TSEN15: variants seen among roughly 807,000 people sequenced by gnomAD.
TSEN15 encodes tRNA-splicing endonuclease subunit Sen15.
Under a neutral mutation model 20.5 loss-of-function variants are expected in TSEN15, and 10 were observed. That is an observed-to-expected ratio of 0.49 (90% CI 0.30 to 0.83). The LOEUF is 0.83. Ranked by LOEUF, TSEN15 falls within the 40% of genes least tolerant of loss-of-function variation. TSEN15 has a pLI of 0.06. For synonymous variants in TSEN15, 72 were observed against 80.1 expected, an observed-to-expected ratio of 0.90 and a Z score of 0.54; for missense variants, 180 against 218.6, an observed-to-expected ratio of 0.82 and a Z score of 1.11.
At position 184,051,797 on chromosome 1, in the gene TSEN15, C is replaced by A; in HGVS notation, c.42C>A (p.Ser14Arg). Residue 14 changes from serine (S) to arginine (R), a missense_variant, in exon 1 of 5, where the codon AGC becomes AGA. Physicochemically the swap from Ser to Arg is moderately radical, Grantham distance 110. Coordinates refer to ENST00000645668, the MANE Select transcript of TSEN15 (RefSeq NM_052965.4). ...RGDSEPTPGC[S>R]GLGPGGVRGF... is the part of the protein sequence containing the mutation. The stretch of plus-strand genomic sequence containing the variant: ...ATTCCGAGCCGACCCCCGGCTGCAG[C>A]GGCCTGGGTCCGGGCGGTGTTCGCG... 2.6e-6 allele frequency: 4 copies of A among 1,524,866 alleles called. No individual in the cohort carries two copies. Among genetic ancestry groups the A allele is most frequent in the South Asian group, 1.2e-5 (1 of 81,528 alleles). The allele number at this position is 1,524,866 out of a possible 1,614,324, so 94.5% of individuals were successfully genotyped here.
chr1:184,051,735 G>C lies in TSEN15; in HGVS notation c.-21G>C. On this transcript the variant is annotated 5_prime_UTR_variant, in exon 1 of 5. Transcript: ENST00000645668. ...CCGGGCGCGGGTCGTGGTGCACCACGGGAGCGCCGCACCGGCCGGCATGGA... is the reference window on the plus strand; with the variant it reads ...CCGGGCGCGGGTCGTGGTGCACCACCGGAGCGCCGCACCGGCCGGCATGGA... The C allele has an allele frequency of 2.2e-6, 3 of 1,395,106 alleles. No individual in the cohort carries two copies. Among genetic ancestry groups the C allele is most frequent in the South Asian group, 1.6e-5 (1 of 63,846 alleles). 86.4% of individuals were successfully genotyped at this position (1,395,106 alleles called of 1,614,324 possible).
chr1:184,070,580 A>G (rs888744083), intron 3 of TSEN15: 2 of 1,034,090 alleles, frequency 1.9e-6, no homozygotes, highest in Non-Finnish European at 2.6e-6. Flanking sequence ...TGGACAGCCT[A>G]TAAAAATGTA....
intron 3 of TSEN15, among the ~76,000 whole-genome samples, chr1:184,085,631 T>A (rs747190818): frequency 2.0e-5 from 3 of 151,562 alleles, no homozygotes; most frequent in Non-Finnish European, 4.4e-5. Context: ...AGGGTGGGAG[T>A]CATGCAAATA....
intron 1 of TSEN15, among the ~76,000 whole-genome samples, chr1:184,052,719 C>T (rs532233462): frequency 3.9e-5 from 6 of 152,242 alleles, no homozygotes; most frequent in African/African-American, 7.2e-5. Context: ...TTTTATCTTC[C>T]TACTCTGTCC....
intron 3 of TSEN15, among the ~76,000 whole-genome samples, chr1:184,084,535 A>G (rs1651227293): frequency 2.0e-5 from 3 of 151,580 alleles, no homozygotes; most frequent in Non-Finnish European, 1.5e-5. Flanking sequence ...ATGGGGTGTG[A>G]TAGTTAAAGA....
intron 4 of TSEN15, chr1:184,072,621 G>C: frequency 1.7e-6 from 1 of 599,356 alleles, no homozygotes; most frequent in Non-Finnish European, 2.9e-6. Flanking sequence ...AATAATAGTT[G>C]TAAGTAAAAA....
intron 3 of TSEN15, chr1:184,070,772 A>G: frequency 1.5e-6 from 1 of 668,096 alleles, no homozygotes; most frequent in Non-Finnish European, 2.0e-6. Flanking sequence ...TTGCTTTATC[A>G]GAATATCTTT....
At chr1:184,067,333 A>G (rs1400475778) in intron 3 of TSEN15, among the ~76,000 whole-genome samples, 1 of 152,162 alleles carries the variant, frequency 6.6e-6, no homozygotes, top group Admixed American at 6.5e-5. Context: ...CACTTGATAT[A>G]TTAATGCTAC....
At chr1:184,087,955 G>C (rs985704387) in intron 3 of TSEN15, among the ~76,000 whole-genome samples, 9 of 152,158 alleles carry the variant, frequency 5.9e-5, no homozygotes, top group Admixed American at 1.3e-4. Context: ...ACAGTGGATG[G>C]ATAAATCTGG....
intron 3 of TSEN15, among the ~76,000 whole-genome samples, chr1:184,082,320 T>C (rs1651185416): frequency 6.6e-6 from 1 of 152,156 alleles, no homozygotes; most frequent in Non-Finnish European, 1.5e-5. Context: ...GGAAAATATT[T>C]GGTCTGGTCC....
chr1:184,093,229 C>A (rs2102905914), intron 3 of TSEN15, among the ~76,000 whole-genome samples: 1 of 152,278 alleles, frequency 6.6e-6, no homozygotes, highest in South Asian at 2.1e-4. Context: ...CACTGCCAGG[C>A]CTTTTAAAGT....
chr1:184,073,102 C>T lies in TSEN15; in HGVS notation c.*255C>T, dbSNP rs1650953113. 2.3e-6 allele frequency: 1 copy of T among 434,002 alleles called. No individual in the cohort carries two copies. The highest frequency in any genetic ancestry group is 4.0e-6 in the Non-Finnish European group (1 of 247,440). 26.9% of individuals were successfully genotyped at this position (434,002 alleles called of 1,614,324 possible). A position where few individuals can be genotyped will look rare whatever the true frequency, so the allele number is the denominator to read the frequency against. On this transcript the variant is annotated 3_prime_UTR_variant, in exon 5 of 5. Transcript: ENST00000645668. ...AATTACAGTTATATACAGGTTTATGCCTAGGATGTATTCAGATGGGTGGGA... is the reference window on the plus strand; with the variant it reads ...AATTACAGTTATATACAGGTTTATGTCTAGGATGTATTCAGATGGGTGGGA...
chr1:184,072,672 C>A, intron 4 of TSEN15, 155 bp from the exon 5 acceptor site: 1 of 683,752 alleles, frequency 1.5e-6, no homozygotes, highest in Non-Finnish European at 2.5e-6. Flanking sequence ...GACATTTTGA[C>A]AGGAACATTT....
intron 1 of TSEN15, among the ~76,000 whole-genome samples, chr1:184,053,253 G>T (rs941074486): frequency 1.3e-5 from 2 of 152,064 alleles, no homozygotes; most frequent in Non-Finnish European, 2.9e-5. Flanking sequence ...ATAATAGGGG[G>T]TATTTGTTTT....
chr1:184,083,481 G>A (rs1394607472), intron 3 of TSEN15, among the ~76,000 whole-genome samples: 2 of 152,016 alleles, frequency 1.3e-5, no homozygotes, highest in African/African-American at 4.8e-5. Context: ...CATTTTTTGG[G>A]GAAATGAAGG....
At chr1:184,090,170 A>G (rs1451377903) in intron 3 of TSEN15, among the ~76,000 whole-genome samples, 1 of 152,228 alleles carries the variant, frequency 6.6e-6, no homozygotes, top group Non-Finnish European at 1.5e-5. Flanking sequence ...CATACACCAC[A>G]ACATGGGTGA....
At chr1:184,060,822 G>GT (rs1650426709) in intron 3 of TSEN15, among the ~76,000 whole-genome samples, 1 of 152,086 alleles carries the variant, frequency 6.6e-6, no homozygotes, top group Non-Finnish European at 1.5e-5. Context: ...TGCTTTATTG[G>GT]TTTTTAAAAA....
intron 3 of TSEN15, chr1:184,094,725 A>G (rs1651417501): frequency 3.3e-6 from 1 of 306,256 alleles, no homozygotes; most frequent in Non-Finnish European, 6.0e-6. Context: ...TGACAAACCC[A>G]CCTACCATCA....
At chr1:184,082,676 T>G (rs1651191219) in intron 3 of TSEN15, among the ~76,000 whole-genome samples, 1 of 152,158 alleles carries the variant, frequency 6.6e-6, no homozygotes, top group African/African-American at 2.4e-5. Flanking sequence ...CTCTTCCACT[T>G]TTGCTACTTT....
Sources: gnomAD v4.1 joint callset for allele counts (sites outside exome capture counted in the v4.1 genomes callset) on GRCh38, gnomAD v4.1.1 for gene constraint, MANE v1.5 for transcripts, NCBI Gene and HGNC (gene_info 2026-07-23, HGNC 2026-07-21) for gene names.